MBOAT2: variants seen among roughly 807,000 people sequenced by gnomAD.
MBOAT2 encodes the protein membrane-bound glycerophospholipid O-acyltransferase 2.
Under a neutral mutation model 63.4 loss-of-function variants are expected in MBOAT2, and 28 were observed. The ratio of observed to expected loss-of-function variants is 0.44; its 90% confidence interval spans 0.33 to 0.61. The LOEUF is 0.61. Among genes scored for constraint, MBOAT2 ranks in the 20% least tolerant of loss-of-function variants. MBOAT2 has a pLI of 0.03. For synonymous variants in MBOAT2, 211 were observed against 215.6 expected, an observed-to-expected ratio of 0.98 and a Z score of 0.19; for missense variants, 470 against 605.8, an observed-to-expected ratio of 0.78 and a Z score of 2.35.
chr2:8,987,434 AC>A (rs1378081963), intron 1 of MBOAT2, among the ~76,000 whole-genome samples: 2 of 152,168 alleles, frequency 1.3e-5, no homozygotes, highest in Non-Finnish European at 2.9e-5. Context: ...TATGCATTTC[AC>A]CATATTTAAG....
chr2:8,901,715 C>A (rs1450593150), intron 4 of MBOAT2, among the ~76,000 whole-genome samples: 2 of 152,162 alleles, frequency 1.3e-5, no homozygotes, highest in African/African-American at 4.8e-5. Flanking sequence ...GATAGTCCCC[C>A]CTACGATGGG....
rs772262717 is a variant in MBOAT2, at chr2:8,868,563, C to A, written c.884-14G>T. On this transcript the variant is annotated splice_polypyrimidine_tract_variant and intron_variant, in intron 8 of 12. Coordinates refer to ENST00000305997, the MANE Select transcript of MBOAT2 (RefSeq NM_138799.4). ...TAATGGCATCAGCTATAGAAAACAACATTAGAAAAAAGTATTAAGAATCTC... is the reference window on the plus strand; with the variant it reads ...TAATGGCATCAGCTATAGAAAACAAAATTAGAAAAAAGTATTAAGAATCTC... 2 of 1,594,532 alleles carry A rather than the reference C, an allele frequency of 1.3e-6. No individual in the cohort carries two copies. The highest frequency in any genetic ancestry group is 1.1e-5 in the South Asian group (1 of 88,600).
chr2:8,884,669 G>A (rs1276755121), intron 5 of MBOAT2, among the ~76,000 whole-genome samples: 6 of 152,254 alleles, frequency 3.9e-5, no homozygotes, highest in African/African-American at 1.2e-4. Flanking sequence ...CCAAGTGTTT[G>A]GCATAGGGTG....
At chr2:8,992,095 G>A (rs1436764254) in intron 1 of MBOAT2, among the ~76,000 whole-genome samples, 3 of 152,200 alleles carry the variant, frequency 2.0e-5, no homozygotes, top group African/African-American at 7.2e-5. Context: ...TCCCAGGCTT[G>A]TTGATAAAAT....
At chr2:8,971,938 C>A (rs1356614476) in intron 1 of MBOAT2, among the ~76,000 whole-genome samples, 1 of 152,186 alleles carries the variant, frequency 6.6e-6, no homozygotes, top group African/African-American at 2.4e-5. Context: ...AATGGCCATA[C>A]TGCCCAAGGT....
At position 8,958,656 on chromosome 2, in the gene MBOAT2, T is replaced by G. The variant is rs1291042720; in HGVS notation, c.76-14A>C. On this transcript the variant is annotated splice_polypyrimidine_tract_variant and intron_variant, in intron 1 of 12. Coordinates refer to ENST00000305997, the MANE Select transcript of MBOAT2 (RefSeq NM_138799.4). ...TACAAAGTTGACCTGTAAAGAAAAA[T>G]TAAAATTTTGTATTAGCAACACAGA... 6.5e-7 allele frequency: 1 copy of G among 1,544,922 alleles called. No homozygotes were observed. The highest frequency in any genetic ancestry group is 8.7e-7 in the Non-Finnish European group (1 of 1,150,012).
chr2:8,895,350 T>C (rs1031480839), intron 4 of MBOAT2, among the ~76,000 whole-genome samples: 3 of 152,186 alleles, frequency 2.0e-5, no homozygotes, highest in African/African-American at 7.2e-5. Context: ...TGGTCCGTTT[T>C]ACAGAGTGCT....
intron 4 of MBOAT2, among the ~76,000 whole-genome samples, chr2:8,902,660 A>T (rs1279118423): frequency 6.6e-6 from 1 of 151,922 alleles, no homozygotes; most frequent in Admixed American, 6.6e-5. Flanking sequence ...TGACTGTTAC[A>T]GTTCATAAAG....
chr2:8,943,065 ATTC>A (rs1668162590), intron 3 of MBOAT2, 119 bp downstream of exon 3: 3 of 571,242 alleles, frequency 5.3e-6, no homozygotes, highest in Admixed American at 7.7e-5. Context: ...ATTTATGACA[ATTC>A]TTCTTTAAAA....
intron 4 of MBOAT2, among the ~76,000 whole-genome samples, chr2:8,890,173 C>G (rs1052984977): frequency 6.6e-6 from 1 of 152,164 alleles, no homozygotes; most frequent in Admixed American, 6.5e-5. Context: ...TACTCTTCCT[C>G]GAAGCATTTT....
chr2:8,947,961 G>A (rs550838698), intron 2 of MBOAT2, among the ~76,000 whole-genome samples: 13 of 152,206 alleles, frequency 8.5e-5, no homozygotes, highest in South Asian at 6.2e-4. Flanking sequence ...TTCCTCTGAC[G>A]GATCTAGGCA....
intron 4 of MBOAT2, among the ~76,000 whole-genome samples, chr2:8,901,416 T>C (rs933017004): frequency 6.6e-6 from 1 of 151,570 alleles, no homozygotes; most frequent in African/African-American, 2.4e-5. Flanking sequence ...CGAGAAAAAT[T>C]GGATTTAGTG....
intron 3 of MBOAT2, among the ~76,000 whole-genome samples, chr2:8,922,329 A>G (rs1007583613): frequency 1.7e-4 from 26 of 152,188 alleles, no homozygotes; most frequent in African/African-American, 6.0e-4. Context: ...TAAACCCAAC[A>G]TGTGGGTCCG....
At chr2:8,859,818 C>G (rs995352305) in intron 12 of MBOAT2, among the ~76,000 whole-genome samples, 3 of 152,100 alleles carry the variant, frequency 2.0e-5, no homozygotes, top group African/African-American at 7.2e-5. Context: ...AAGACAATTT[C>G]TATAATATAC....
chr2:8,918,494 T>C (rs1458678340), intron 3 of MBOAT2, among the ~76,000 whole-genome samples: 1 of 152,196 alleles, frequency 6.6e-6, no homozygotes, highest in Non-Finnish European at 1.5e-5. Context: ...CACATGTTAC[T>C]GGAAACCAGC....
At chr2:8,959,953 T>A (rs554085540) in intron 1 of MBOAT2, among the ~76,000 whole-genome samples, 5 of 152,224 alleles carry the variant, frequency 3.3e-5, no homozygotes, top group Non-Finnish European at 7.3e-5. Flanking sequence ...GCTATTTCCA[T>A]AGACCCATAG....
intron 1 of MBOAT2, among the ~76,000 whole-genome samples, chr2:8,968,854 A>G (rs993426233): frequency 6.6e-6 from 1 of 152,222 alleles, no homozygotes; most frequent in African/African-American, 2.4e-5. Flanking sequence ...AAACGAAAAA[A>G]GCCTCCAAGA....
chr2:8,880,759 G>T (rs1167830048), intron 6 of MBOAT2, among the ~76,000 whole-genome samples: 1 of 152,226 alleles, frequency 6.6e-6, no homozygotes, highest in Non-Finnish European at 1.5e-5. Flanking sequence ...GGAAGGAAGT[G>T]AAGAAGGTAT....
At chr2:8,916,129 C>T (rs1039699175) in intron 3 of MBOAT2, among the ~76,000 whole-genome samples, 1 of 152,166 alleles carries the variant, frequency 6.6e-6, no homozygotes. Context: ...AGGACAAAGT[C>T]AATATGCTGA....
Sources: allele counts gnomAD v4.1 joint callset (sites outside exome capture counted in the v4.1 genomes callset), GRCh38; gene constraint gnomAD v4.1.1; transcripts MANE v1.5; gene names NCBI Gene and HGNC (gene_info 2026-07-23, HGNC 2026-07-21).